The following HLF variants were observed in gnomAD, a reference collection of about 807,000 sequenced individuals.
The protein encoded by HLF is HLF transcription factor, PAR bZIP family member.
A neutral mutation model predicts 22.6 loss-of-function variants in HLF; 3 were observed. The observed-to-expected ratio is 0.13, with a 90% CI of 0.06 to 0.34. The LOEUF (loss-of-function observed/expected upper bound fraction) is 0.34. HLF is among the 10% of genes least tolerant of loss of function. HLF has a pLI of 1.00. For missense variants in HLF, 299 were observed against 389.2 expected (o/e 0.77, Z 1.95); for synonymous variants, 151 against 151.8 (o/e 0.99, Z 0.04).
chr17:55,290,047 C>T (rs1200615145), intron 2 of HLF, among the ~76,000 whole-genome samples: 2 of 151,912 alleles, frequency 1.3e-5, no homozygotes, highest in African/African-American at 4.8e-5. Flanking sequence ...CTCTTGACAA[C>T]CCAAGGAGAA....
rs538156886 is a variant in HLF at position 55,270,761 on chromosome 17, C to T, written c.451+2675C>T. Among the ~76,000 whole-genome samples, 9 of 151,076 alleles carry T rather than the reference C, an allele frequency of 6.0e-5. No homozygotes were observed. The South Asian group carries it at 6.3e-4, about 11-fold the overall frequency. On this transcript the variant is annotated intron_variant, in intron 2 of 3. Coordinates refer to ENST00000226067, the MANE Select transcript of HLF (RefSeq NM_002126.5). ...CTGCAAGCTCCGCCTCCCGGGTTCA[C>T]GCCATTCTCCTGTCTCAGCCTCCCG... is the stretch of plus-strand genomic sequence containing the variant.
chr17:55,304,111 C>G (rs990824684), intron 2 of HLF, among the ~76,000 whole-genome samples: 6 of 152,104 alleles, frequency 3.9e-5, no homozygotes, highest in African/African-American at 1.4e-4. Flanking sequence ...TGTTGCCAGA[C>G]CTGAAATATA....
intron 2 of HLF, among the ~76,000 whole-genome samples, chr17:55,286,825 C>CT (rs2081008153): frequency 6.6e-6 from 1 of 152,158 alleles, no homozygotes; most frequent in Admixed American, 6.5e-5. Flanking sequence ...CTTACAGAAA[C>CT]TTTTCCAGCT....
chr17:55,274,016 G>A (rs1184863701), intron 2 of HLF, among the ~76,000 whole-genome samples: 1 of 151,960 alleles, frequency 6.6e-6, no homozygotes, highest in African/African-American at 2.4e-5. Context: ...CTCCTGCCAA[G>A]GGTCTTGGCA....
In HLF at chr17:55,320,809, A is replaced by G; in HGVS notation, c.818A>G (p.Asp273Gly). ...TCGGCCCTCCGCCAGGAGGTGGCTG[A>G]CTTGAGGAAGGAGCTGGGCAAATGC... ...ENSALRQEVA[D>G]LRKELGKCKN... The change falls in exon 4 of 4, where the codon GAC becomes GGC. Residue 273 changes from aspartate to glycine, a missense_variant. Asp to Gly is a moderately conservative substitution (Grantham distance 94, BLOSUM62 -1). This residue lies in a region of HLF where 224 missense variants were observed against 298.1 expected (regional missense o/e 0.75). Coordinates refer to ENST00000226067, the MANE Select transcript of HLF (RefSeq NM_002126.5). The surrounding 1 kb of genome is among the most constrained non-coding windows in gnomAD (Gnocchi z 4.2). The G allele has an allele frequency of 6.2e-7, 1 of 1,613,938 alleles. No individual in the cohort carries two copies. The highest frequency in any genetic ancestry group is 8.5e-7 in the Non-Finnish European group (1 of 1,179,956).
chr17:55,280,345 C>T (rs540136139), intron 2 of HLF, among the ~76,000 whole-genome samples: 22 of 152,288 alleles, frequency 1.4e-4, no homozygotes, highest in African/African-American at 3.1e-4. Context: ...CCTCAAACAC[C>T]ATTTGTGGTC....
chr17:55,277,233 TTATGTGTATGTGTGTGTG>T (rs2080912044), intron 2 of HLF, among the ~76,000 whole-genome samples: 3 of 138,954 alleles, frequency 2.2e-5, no homozygotes, highest in Non-Finnish European at 4.5e-5. Context: ...GAACCAGATG[TTATGTGTATGTGTGTGTG>T]TGTGTGTGTG....
intron 2 of HLF, among the ~76,000 whole-genome samples, chr17:55,288,201 G>C (rs2081023378): frequency 6.6e-6 from 1 of 152,008 alleles, no homozygotes; most frequent in Non-Finnish European, 1.5e-5. Flanking sequence ...AGGCTGGAGT[G>C]CAGTGGCGCA....
intron 1 of HLF, chr17:55,266,887 T>C (rs2080796766): frequency 1.3e-6 from 1 of 750,612 alleles, no homozygotes; most frequent in Non-Finnish European, 1.6e-6. Context: ...CCAACATAAA[T>C]GTATAGAATA....
chr17:55,323,884 T>C lies in HLF; in HGVS notation c.*3005T>C, dbSNP rs1905356143. The C allele has an allele frequency of 4.4e-6, 1 of 229,006 alleles. No individual in the cohort carries two copies. The highest frequency in any genetic ancestry group is 1.8e-4 in the South Asian group (1 of 5,514). The allele number at this position is 229,006 out of a possible 1,614,324, so 14.2% of individuals were successfully genotyped here. A position where few individuals can be genotyped will look rare whatever the true frequency, so the allele number is the denominator to read the frequency against. On this transcript the variant is annotated 3_prime_UTR_variant, in exon 4 of 4. Coordinates refer to ENST00000226067, the MANE Select transcript of HLF (RefSeq NM_002126.5). ...TTTGGCCATTAACAATGAATCCAAA[T>C]CATATCATACTGACATCATCTAGAC...
intron 2 of HLF, among the ~76,000 whole-genome samples, chr17:55,302,473 TA>T (rs1904339458): frequency 6.6e-6 from 1 of 152,238 alleles, no homozygotes; most frequent in African/African-American, 2.4e-5. Context: ...ACAACCTTGT[TA>T]TTCTTCCTTT....
chr17:55,308,838 G>A (rs886609912), intron 2 of HLF, among the ~76,000 whole-genome samples: 1 of 152,120 alleles, frequency 6.6e-6, no homozygotes, highest in Admixed American at 6.6e-5. Flanking sequence ...AATTGCTATG[G>A]GTTGCTCAGG....
intron 2 of HLF, among the ~76,000 whole-genome samples, chr17:55,307,882 G>A (rs1363497293): frequency 6.6e-6 from 1 of 151,298 alleles, no homozygotes; most frequent in Non-Finnish European, 1.5e-5. Context: ...ATTGAGCAGG[G>A]GTAGAGGAAA....
rs1197383943 is a variant in HLF at position 55,324,799 on chromosome 17, GTGTGTGTGTGCGTGCA to G, written c.*3931_*3946del. 4.4e-6 allele frequency: 1 copy of G among 229,016 alleles called. No individual in the cohort carries two copies. Among genetic ancestry groups the G allele is most frequent in the Non-Finnish European group, 8.7e-6 (1 of 115,150 alleles). The allele number at this position is 229,016 out of a possible 1,614,324, so 14.2% of individuals were successfully genotyped here. A position where few individuals can be genotyped will look rare whatever the true frequency, so the allele number is the denominator to read the frequency against. On this transcript the variant is annotated 3_prime_UTR_variant, in exon 4 of 4. Transcript: ENST00000226067. The stretch of plus-strand genomic sequence containing the variant: ...GGAGGCTAAGTGTAAGAGTGTGTGT[GTGTGTGTGTGCGTGCA>G]TGTGTGTGTGTGTGTATGTGTGTGA...
At chr17:55,298,526 G>A in intron 2 of HLF, among the ~76,000 whole-genome samples, 1 of 152,174 alleles carries the variant, frequency 6.6e-6, no homozygotes, top group East Asian at 1.9e-4. Flanking sequence ...AGACAGATGG[G>A]TTTAGCTTGG....
Position 55,320,518 on chromosome 17 carries a change from G to A in HLF, c.673-146G>A. On this transcript the variant is annotated intron_variant, in intron 3 of 3. Transcript: ENST00000226067. This position sits in a 1 kb window ranked among gnomAD's most constrained non-coding sequence, Gnocchi z 4.2. ...CATGGGCCACACTCTCAGACATGCA[G>A]AAACTGTAAAGGAAGGAGACACAAG... is the stretch of plus-strand genomic sequence containing the variant. 1.5e-6 allele frequency: 1 copy of A among 654,786 alleles called. No homozygotes were observed. Among genetic ancestry groups the A allele is most frequent in the East Asian group, 2.8e-5 (1 of 35,922 alleles). The allele number at this position is 654,786 out of a possible 1,614,324, so 40.6% of individuals were successfully genotyped here.
chr17:55,320,513 A>G lies in HLF; in HGVS notation c.673-151A>G, dbSNP rs1905227148. Reference sequence around the variant, plus strand: ...TGGCTCATGGGCCACACTCTCAGACATGCAGAAACTGTAAAGGAAGGAGAC... The same window carrying G: ...TGGCTCATGGGCCACACTCTCAGACGTGCAGAAACTGTAAAGGAAGGAGAC... On this transcript the variant is annotated intron_variant, in intron 3 of 3. Transcript: ENST00000226067. This position sits in a 1 kb window ranked among gnomAD's most constrained non-coding sequence, Gnocchi z 4.2. 1.6e-6 allele frequency: 1 copy of G among 639,288 alleles called. No homozygotes were observed. Among genetic ancestry groups the G allele is most frequent in the Admixed American group, 3.0e-5 (1 of 33,682 alleles). 39.6% of individuals were successfully genotyped at this position (639,288 alleles called of 1,614,324 possible). A position where few individuals can be genotyped will look rare whatever the true frequency, so the allele number is the denominator to read the frequency against.
rs1421756836 is a variant in HLF at position 55,320,758 on chromosome 17, G to A, written c.767G>A (p.Arg256Gln). The A allele has an allele frequency of 3.7e-6, 6 of 1,613,850 alleles. No individual in the cohort carries two copies. Among genetic ancestry groups the A allele is most frequent in the Non-Finnish European group, 5.1e-6 (6 of 1,179,932 alleles). The stretch of plus-strand genomic sequence containing the variant: ...CTGAAAGAGAACCAGATCGCCATCC[G>A]GGCCTCGTTCCTGGAGAAGGAGAAC... ...RRLKENQIAI[R>Q]ASFLEKENSA... Residue 256 changes from arginine to glutamine, a missense_variant, in exon 4 of 4, where the codon CGG becomes CAG. Around this residue, in one of 3 missense-constraint regions of HLF, gnomAD observed 224 missense variants for 298.1 expected, o/e 0.75. Transcript: ENST00000226067. This position sits in a 1 kb window ranked among gnomAD's most constrained non-coding sequence, Gnocchi z 4.2.
intron 2 of HLF, chr17:55,288,845 A>G (rs1215572505): frequency 1.4e-6 from 1 of 733,564 alleles, no homozygotes; most frequent in Non-Finnish European, 1.7e-6. Flanking sequence ...ATAAAAGTGG[A>G]TATTGACCCC....
Sources: gnomAD v4.1 joint callset for allele counts (sites outside exome capture counted in the v4.1 genomes callset) on GRCh38, gnomAD v4.1.1 for gene constraint, gnomAD v4.1.1 regional missense constraint, Gnocchi (gnomAD v3.1) non-coding constraint, MANE v1.5 for transcripts, NCBI Gene and HGNC (gene_info 2026-07-23, HGNC 2026-07-21) for gene names.